CFAP54: variants seen among roughly 807,000 people sequenced by gnomAD.
The protein encoded by CFAP54 is cilia and flagella associated protein 54, also known as cilia- and flagella-associated protein 54.
In CFAP54, 290 loss-of-function variants were observed where a neutral mutation model predicts 370.4. The ratio of observed to expected loss-of-function variants is 0.78; its 90% confidence interval spans 0.71 to 0.86. The LOEUF is 0.86. CFAP54 is among the 40% of genes least tolerant of loss of function. CFAP54 has a pLI of 0.00. For missense variants in CFAP54, 3,399 were observed against 3,528.7 expected (o/e 0.96, Z 0.93); for synonymous variants, 1,206 against 1,236.5 (o/e 0.98, Z 0.52).
intron 33 of CFAP54, chr12:96,645,234 G>C: frequency 2.2e-6 from 1 of 453,026 alleles, no homozygotes; most frequent in South Asian, 1.6e-5. Context: ...ACATAATATG[G>C]AATACTGTGT....
At chr12:96,752,719 A>G (rs11108669) in intron 55 of CFAP54, among the ~76,000 whole-genome samples, 73,239 of 152,036 alleles carry the variant, frequency 0.48, 18,015 homozygotes, top group South Asian at 0.54. Context: ...TTTCTCTGCT[A>G]CACAATTGGC....
intron 4 of CFAP54, among the ~76,000 whole-genome samples, chr12:96,511,852 TTAGA>T (rs1955173215): frequency 6.6e-6 from 1 of 152,256 alleles, no homozygotes; most frequent in African/African-American, 2.4e-5. Flanking sequence ...GTTACGAATA[TTAGA>T]TACTTTATAG....
chr12:96,716,830 A>G (rs11108649), intron 48 of CFAP54, among the ~76,000 whole-genome samples: 13,112 of 152,294 alleles, frequency 0.086, 804 homozygotes, highest in South Asian at 0.28. Context: ...CAGGAAGTAT[A>G]GCTTGCCAGG....
chr12:96,871,099 C>T (rs1960150541), intron 67 of CFAP54, among the ~76,000 whole-genome samples: 1 of 152,152 alleles, frequency 6.6e-6, no homozygotes, highest in South Asian at 2.1e-4. Flanking sequence ...TGTGGGGAGC[C>T]CTAAAATCTG....
At chr12:96,693,882 A>G (rs1476323231) in intron 45 of CFAP54, 74 bp downstream of exon 45, 2 of 924,030 alleles carry the variant, frequency 2.2e-6, no homozygotes, top group Non-Finnish European at 3.3e-6. Context: ...ATTTGATTCT[A>G]GGACTTATAA....
At chr12:96,836,412 C>T (rs1355456947) in intron 66 of CFAP54, among the ~76,000 whole-genome samples, 3 of 152,116 alleles carry the variant, frequency 2.0e-5, no homozygotes, top group African/African-American at 4.8e-5. Context: ...CTACACTTAG[C>T]TTTCTCAGTG....
chr12:96,547,421 A>G (rs889222485), intron 14 of CFAP54, among the ~76,000 whole-genome samples: 1 of 152,106 alleles, frequency 6.6e-6, no homozygotes, highest in Non-Finnish European at 1.5e-5. Flanking sequence ...TCCTGACCTC[A>G]GGTATCTACT....
rs780047992 is a variant in CFAP54 at position 96,757,557 on chromosome 12, TA to T, written c.8014del (p.Ile2672PhefsTer6). On this transcript the variant is annotated frameshift_variant, in exon 58 of 68. Coordinates refer to ENST00000524981, the MANE Select transcript of CFAP54 (RefSeq NM_001306084.2). LOFTEE classifies it high-confidence loss of function. Reference sequence around the variant, plus strand: ...TATTTTCATCTGAAGAAGCCAAAGATAAAAATTTCAGGATCACCATTAACAC... The same window carrying T: ...TATTTTCATCTGAAGAAGCCAAAGATAAAATTTCAGGATCACCATTAACAC... ...LLYFHLKKPK[I>X]KISGSPLTLK... The T allele has an allele frequency of 4.8e-5, 76 of 1,597,850 alleles. No individual in the cohort carries two copies. Among genetic ancestry groups the T allele is most frequent in the Non-Finnish European group, 6.1e-5 (71 of 1,169,298 alleles).
At chr12:96,873,288 A>G (rs573460159) in intron 67 of CFAP54, among the ~76,000 whole-genome samples, 7 of 152,204 alleles carry the variant, frequency 4.6e-5, no homozygotes, top group Non-Finnish European at 8.8e-5. Flanking sequence ...AGGGAAAAAG[A>G]GCTGAGATTA....
At chr12:96,748,944 T>C (rs1381275737) in intron 55 of CFAP54, among the ~76,000 whole-genome samples, 3 of 152,222 alleles carry the variant, frequency 2.0e-5, no homozygotes, top group South Asian at 2.1e-4. Flanking sequence ...CTCTCTGTTC[T>C]TTCTTCTTCT....
At chr12:96,859,704 C>A (rs1014621966) in intron 66 of CFAP54, among the ~76,000 whole-genome samples, 1 of 152,150 alleles carries the variant, frequency 6.6e-6, no homozygotes, top group African/African-American at 2.4e-5. Context: ...CACACCTGAC[C>A]CCAGGATGCA....
chr12:96,798,024 C>T (rs185229108), intron 63 of CFAP54, among the ~76,000 whole-genome samples: 24 of 152,030 alleles, frequency 1.6e-4, no homozygotes, highest in Non-Finnish European at 2.2e-4. Flanking sequence ...GGACAACATA[C>T]GTACTTAACT....
chr12:96,580,842 A>G, intron 21 of CFAP54, 78 bp from the exon 22 acceptor site: 1 of 1,186,618 alleles, frequency 8.4e-7, no homozygotes, highest in Non-Finnish European at 1.1e-6. Context: ...TTTTAATAGA[A>G]GGTTTACTTA....
chr12:96,709,903 G>A (rs1398844579), intron 48 of CFAP54, among the ~76,000 whole-genome samples: 3 of 151,912 alleles, frequency 2.0e-5, no homozygotes, highest in Non-Finnish European at 2.9e-5. Flanking sequence ...TGTGGTTTTC[G>A]TAGAGATAGG....
At chr12:96,609,976 A>G (rs1956338262) in intron 26 of CFAP54, among the ~76,000 whole-genome samples, 1 of 152,244 alleles carries the variant, frequency 6.6e-6, no homozygotes, top group Non-Finnish European at 1.5e-5. Context: ...TAATATTTAA[A>G]TTTAATACAG....
At chr12:96,655,311 GA>G (rs573368334) in intron 36 of CFAP54, among the ~76,000 whole-genome samples, 5,666 of 136,990 alleles carry the variant, frequency 0.041, 156 homozygotes, top group South Asian at 0.14. Flanking sequence ...GGCTTCTTTG[GA>G]AAAAAAAAAA....
intron 55 of CFAP54, among the ~76,000 whole-genome samples, chr12:96,747,994 G>A (rs1958136892): frequency 6.6e-6 from 1 of 151,560 alleles, no homozygotes; most frequent in Non-Finnish European, 1.5e-5. Flanking sequence ...GACATTCATT[G>A]TACTTTTCCT....
At chr12:96,686,960 G>C (rs1242552464) in intron 42 of CFAP54, among the ~76,000 whole-genome samples, 1 of 152,146 alleles carries the variant, frequency 6.6e-6, no homozygotes, top group African/African-American at 2.4e-5. Context: ...CATAAAATAA[G>C]TGTGTCATCA....
intron 63 of CFAP54, among the ~76,000 whole-genome samples, chr12:96,793,417 T>C (rs1302169157): frequency 2.6e-5 from 4 of 152,100 alleles, no homozygotes; most frequent in African/African-American, 4.8e-5. Context: ...TGTGTGCATA[T>C]GTATATATCA....
Sources: allele counts gnomAD v4.1 joint callset (sites outside exome capture counted in the v4.1 genomes callset), GRCh38; gene constraint gnomAD v4.1.1; transcripts MANE v1.5; gene names NCBI Gene and HGNC (gene_info 2026-07-23, HGNC 2026-07-21).